PIGQ: variants seen among roughly 807,000 people sequenced by gnomAD.
The protein encoded by PIGQ is phosphatidylinositol N-acetylglucosaminyltransferase subunit Q.
PIGQ carries 54 observed loss-of-function variants against 60.3 expected under a neutral mutation model. The observed-to-expected ratio is 0.90, with a 90% CI of 0.72 to 1.12. PIGQ has a LOEUF of 1.12. Ranked by LOEUF, PIGQ falls within the 50% of genes most tolerant of loss-of-function variation. The probability of loss-of-function intolerance (pLI) is 0.00; values close to 1 mark genes in which losing one functional copy is unlikely to be tolerated. For missense variants in PIGQ, 799 were observed against 793.5 expected (o/e 1.01, Z -0.08); for synonymous variants, 416 against 363.7 (o/e 1.14, Z -1.64).
At chr16:578,244 G>C in intron 4 of PIGQ, 135 bp from the exon 5 acceptor site, 4 of 866,106 alleles carry the variant, frequency 4.6e-6, no homozygotes, top group Non-Finnish European at 5.2e-6. Flanking sequence ...CCCGTGTGCT[G>C]TCCACGCTAG....
rs769940788 is a variant in PIGQ at position 574,654 on chromosome 16, G to C, written c.580G>C (p.Glu194Gln). 1 of 1,607,836 alleles carries C rather than the reference G, an allele frequency of 6.2e-7. No individual in the cohort carries two copies. Among genetic ancestry groups the C allele is most frequent in the South Asian group, 1.1e-5 (1 of 90,434 alleles). The change falls in exon 2 of 11, where the codon GAG becomes CAG. Residue 194 changes from glutamate to glutamine, a missense_variant. Glu to Gln is a conservative substitution (Grantham distance 29). Coordinates refer to ENST00000321878, the MANE Select transcript of PIGQ (RefSeq NM_004204.5). ...CGTGCGGCTGAGCCACTGGCAGTCG[G>C]AGGGCGTGGAGGCCAGCATCCTCGC... ...GPVRLSHWQSEGVEASILAEL... is the reference protein window; with the variant it reads ...GPVRLSHWQSQGVEASILAEL...
In PIGQ at chr16:583,507, C is replaced by G. The variant is rs1185926094; in HGVS notation, c.*472C>G. 9.9e-6 allele frequency: 16 copies of G among 1,612,582 alleles called. No homozygotes were observed. The South Asian group carries it at 1.4e-4, about 14-fold the overall frequency. ...CCCAGGCACCCTCTAGCTCCCTCAG[C>G]CGAACAGCACCCTGCATCTGGGGGA... On this transcript the variant is annotated 3_prime_UTR_variant, in exon 11 of 11. Transcript: ENST00000321878.
rs202222590 is a variant in PIGQ at position 578,945 on chromosome 16, G to A, written c.1223+7G>A. 7.7e-5 allele frequency: 124 copies of A among 1,608,630 alleles called. No individual in the cohort carries two copies. In the African/African-American group the frequency reaches 1.1e-3, roughly 15 times the overall value. ...TTTACGTCTATGGAGCCAGGTGGGC[G>A]TGGGCTTCCCCCTCCCCACCGCCCC... On this transcript the variant is annotated splice_region_variant and intron_variant, in intron 6 of 10. Coordinates refer to ENST00000321878, the MANE Select transcript of PIGQ (RefSeq NM_004204.5).
In PIGQ at chr16:574,625, G is replaced by A. The variant is rs755768099; in HGVS notation, c.551G>A (p.Gly184Asp). 1 of 1,606,694 alleles carries A rather than the reference G, an allele frequency of 6.2e-7. No individual in the cohort carries two copies. The highest frequency in any genetic ancestry group is 2.2e-5 in the East Asian group (1 of 44,644). ...TTCCGCAGTGACCGCTTTGATGAGGGCCCCGTGCGGCTGAGCCACTGGCAG... is the reference window on the plus strand; with the variant it reads ...TTCCGCAGTGACCGCTTTGATGAGGACCCCGTGCGGCTGAGCCACTGGCAG... ...VLFRSDRFDE[G>D]PVRLSHWQSE... Residue 184 changes from glycine (G) to aspartate (D), a missense_variant, in exon 2 of 11, where the codon GGC becomes GAC. Coordinates refer to ENST00000321878, the MANE Select transcript of PIGQ (RefSeq NM_004204.5).
rs1231622002 is a variant in PIGQ at position 573,275 on chromosome 16, C to T, written c.-9-791C>T. ...CGGGACCTGTAAGCCTCTCTCTCCC[C>T]GTTTCTAGGCACCCATGTCGTTGGA... On this transcript the variant is annotated intron_variant, in intron 1 of 10. Coordinates refer to ENST00000321878, the MANE Select transcript of PIGQ (RefSeq NM_004204.5). 2.0e-5 allele frequency among the ~76,000 whole-genome samples: 3 copies of T among 152,342 alleles called. No individual in the cohort carries two copies. In the East Asian group the frequency reaches 5.8e-4, roughly 29 times the overall value.
intron 9 of PIGQ, among the ~76,000 whole-genome samples, chr16:581,591 T>C (rs1198068075): frequency 6.6e-6 from 1 of 151,162 alleles, no homozygotes; most frequent in Non-Finnish European, 1.5e-5. Context: ...GCCTCCCGAG[T>C]AGCTAGGATT....
intron 5 of PIGQ, 127 bp from the exon 6 acceptor site, chr16:578,658 G>A (rs926034164): frequency 2.8e-6 from 4 of 1,404,684 alleles, no homozygotes; most frequent in Admixed American, 1.8e-5. Flanking sequence ...CTGGGGCCTG[G>A]GCACCTCCCG....
Position 582,925 on chromosome 16 carries a change from C to T in PIGQ, c.1636C>T (p.Leu546Phe), listed in dbSNP as rs1168968519. The T allele has an allele frequency of 7.4e-6, 12 of 1,612,294 alleles. No individual in the cohort carries two copies. The highest frequency in any genetic ancestry group is 1.0e-5 in the Non-Finnish European group (12 of 1,179,680). Residue 546 changes from leucine (L) to phenylalanine (F), a missense_variant, in exon 11 of 11, where the codon CTC becomes TTC. Physicochemically the swap from Leu to Phe is conservative, Grantham distance 22. Transcript: ENST00000321878. ...CAGCCGCGTGGTGCACACCTACCGC[C>T]TCCCCAGCTGTGGCTGCCACCCCAA... ...PYSRVVHTYR[L>F]PSCGCHPKHS...
chr16:578,593 C>T, intron 5 of PIGQ, 88 bp downstream of exon 5: 2 of 1,479,910 alleles, frequency 1.4e-6, no homozygotes, highest in South Asian at 2.5e-5. Context: ...CCTGTGCCCC[C>T]AACTCTGCTC....
chr16:581,320 C>G (rs1030988024), intron 9 of PIGQ: 3 of 1,263,246 alleles, frequency 2.4e-6, no homozygotes, highest in Non-Finnish European at 3.1e-6. Flanking sequence ...GCACTAGGAG[C>G]CAGCAGGGCG....
At chr16:574,004 C>A in intron 1 of PIGQ, 62 bp from the exon 2 acceptor site, 2 of 1,241,750 alleles carry the variant, frequency 1.6e-6, no homozygotes, top group South Asian at 2.8e-5. Context: ...GTGCAACATC[C>A]CGCAGCCCAC....
intron 1 of PIGQ, among the ~76,000 whole-genome samples, chr16:573,522 C>T (rs1000162198): frequency 6.6e-6 from 1 of 152,164 alleles, no homozygotes; most frequent in Non-Finnish European, 1.5e-5. Flanking sequence ...GCCGTGCGCA[C>T]GAGGTAGTTT....
At chr16:579,044 G>A (rs2035770472) in intron 6 of PIGQ, 25 bp from the exon 7 acceptor site, 1 of 1,596,162 alleles carries the variant, frequency 6.3e-7, no homozygotes. Flanking sequence ...GGCGGGGCCG[G>A]GCCCGACAGC....
In PIGQ at chr16:574,064, A is replaced by G. The variant is rs1447464278; in HGVS notation, c.-9-2A>G. ...AGCCGAGCCTCTCCTCTTCTCTTCCAGCCTCCCGGCATGGTGCTCAAGGCC... is the reference window on the plus strand; with the variant it reads ...AGCCGAGCCTCTCCTCTTCTCTTCCGGCCTCCCGGCATGGTGCTCAAGGCC... On this transcript the variant is annotated splice_acceptor_variant, in intron 1 of 10. Coordinates refer to ENST00000321878, the MANE Select transcript of PIGQ (RefSeq NM_004204.5). LOFTEE classifies it low-confidence loss of function (5UTR_SPLICE). 6.3e-7 allele frequency: 1 copy of G among 1,583,764 alleles called. No homozygotes were observed. Among genetic ancestry groups the G allele is most frequent in the African/African-American group, 1.3e-5 (1 of 74,582 alleles).
At chr16:581,399 C>T (rs1228374015) in intron 9 of PIGQ, 3 of 1,085,940 alleles carry the variant, frequency 2.8e-6, no homozygotes, top group African/African-American at 1.7e-5. Context: ...ACAGCCTGCG[C>T]CCGTCCCTCA....
chr16:581,112 G>A, intron 9 of PIGQ, 140 bp downstream of exon 9: 1 of 1,419,126 alleles, frequency 7.0e-7, no homozygotes, highest in Non-Finnish European at 9.6e-7. Context: ...CGGGCAGGGA[G>A]GACAGGGCCT....
chr16:576,059 C>T, intron 3 of PIGQ, 75 bp from the exon 4 acceptor site: 8 of 1,544,232 alleles, frequency 5.2e-6, no homozygotes, highest in Non-Finnish European at 6.1e-6. Flanking sequence ...ACCCCTCCGG[C>T]CAGGCAGGCC....
rs2035825890 is a variant in PIGQ, at chr16:582,259, T to A, written c.1543T>A (p.Phe515Ile). The A allele has an allele frequency of 6.2e-7, 1 of 1,606,678 alleles. No individual in the cohort carries two copies. Among genetic ancestry groups the A allele is most frequent in the African/African-American group, 1.3e-5 (1 of 74,814 alleles). ...TGCTATCCTTGCAGCTGGCGTGAAG[T>A]TCCGTGTCCTCCGGCACGAGGCCGG... is the stretch of plus-strand genomic sequence containing the variant. ...RPYRLAAGVK[F>I]RVLRHEAGRP... The change falls in exon 10 of 11, where the codon TTC becomes ATC. Residue 515 changes from phenylalanine to isoleucine, a missense_variant. Coordinates refer to ENST00000321878, the MANE Select transcript of PIGQ (RefSeq NM_004204.5).
At chr16:582,713 TGGCTGCA>T in intron 10 of PIGQ, 163 bp from the exon 11 acceptor site, 1 of 755,590 alleles carries the variant, frequency 1.3e-6, no homozygotes, top group Admixed American at 2.3e-5. Context: ...CGCTCCCTTC[TGGCTGCA>T]GGCTCACTTG....
Sources: allele counts gnomAD v4.1 joint callset (sites outside exome capture counted in the v4.1 genomes callset), GRCh38; gene constraint gnomAD v4.1.1; transcripts MANE v1.5; gene names NCBI Gene and HGNC (gene_info 2026-07-23, HGNC 2026-07-21).